Variants in ZNF609 observed in about 807,000 individuals in gnomAD.
ZNF609 encodes the protein zinc finger protein 609.
ZNF609 carries 11 observed loss-of-function variants against 109.5 expected under a neutral mutation model. The ratio of observed to expected loss-of-function variants is 0.10; its 90% CI spans 0.06 to 0.17. The LOEUF is 0.17. Ranked by LOEUF, ZNF609 falls within the 10% of genes least tolerant of loss-of-function variation. ZNF609 has a pLI of 1.00. For synonymous variants in ZNF609, 646 were observed against 662.0 expected, an observed-to-expected ratio of 0.98 and a Z score of 0.37; for missense variants, 1,559 against 1,772.4, an observed-to-expected ratio of 0.88 and a Z score of 2.16.
rs142205088 is a variant in ZNF609, at chr15:64,680,210, T to C, written c.3795T>C (p.Ser1265=). 2 of 1,614,084 alleles carry C rather than the reference T, an allele frequency of 1.2e-6. No homozygotes were observed. The highest frequency in any genetic ancestry group is 2.2e-5 in the East Asian group (1 of 44,886). Residue 1265 remains serine (S), a synonymous_variant, in exon 7 of 10, where the codon TCT becomes TCC. Coordinates refer to ENST00000326648, the MANE Select transcript of ZNF609 (RefSeq NM_015042.2). ...GTTCCTACCTGCCTTCCAGCTACTC[T>C]TTTTCCCCATATGGCAGCAAGGTCT... ...YPGSYLPSSY[S]FSPYGSKVSG...
Position 64,685,801 on chromosome 15 carries a change from G to T in ZNF609, c.*4115G>T, listed in dbSNP as rs1446963250. 2 of 152,566 alleles carry T rather than the reference G, an allele frequency of 1.3e-5. No homozygotes were observed. Among genetic ancestry groups the T allele is most frequent in the Admixed American group, 1.3e-4 (2 of 15,288 alleles). 9.5% of individuals were successfully genotyped at this position (152,566 alleles called of 1,614,324 possible). ...GAGCTCAGTGGATGATTCCCAGCTG[G>T]TGGACTCCTGTGGCTACCCCATCAG... On this transcript the variant is annotated 3_prime_UTR_variant, in exon 10 of 10. Coordinates refer to ENST00000326648, the MANE Select transcript of ZNF609 (RefSeq NM_015042.2).
chr15:64,642,774 A>G (rs545372854), intron 3 of ZNF609, among the ~76,000 whole-genome samples: 2 of 152,312 alleles, frequency 1.3e-5, no homozygotes, highest in South Asian at 4.1e-4. Flanking sequence ...AGCCTGGGTG[A>G]CAGAGCAAGA....
chr15:64,571,708 C>T (rs953889870), intron 2 of ZNF609, among the ~76,000 whole-genome samples: 4 of 152,088 alleles, frequency 2.6e-5, no homozygotes, highest in Non-Finnish European at 2.9e-5. Flanking sequence ...CACCCAGGAT[C>T]GCCCAGGCTG....
chr15:64,634,994 C>T (rs1297262202), intron 3 of ZNF609, among the ~76,000 whole-genome samples: 1 of 152,010 alleles, frequency 6.6e-6, no homozygotes, highest in Non-Finnish European at 1.5e-5. Context: ...TGTTATATGT[C>T]CACTGTCATA....
At chr15:64,509,840 G>C (rs1344683208) in intron 2 of ZNF609, among the ~76,000 whole-genome samples, 1 of 152,150 alleles carries the variant, frequency 6.6e-6, no homozygotes, top group African/African-American at 2.4e-5. Context: ...TCCTCTCTCT[G>C]CTAATCCTTG....
At chr15:64,577,378 C>T (rs1360067573) in intron 2 of ZNF609, among the ~76,000 whole-genome samples, 6 of 14,852 alleles carry the variant, frequency 4.0e-4, no homozygotes, top group African/African-American at 5.7e-4. Context: ...TATATATACA[C>T]ATATAAATAT....
chr15:64,602,889 A>ATTTTTTTTTTTTTTTTT (rs10600562), intron 2 of ZNF609, among the ~76,000 whole-genome samples: 33 of 75,174 alleles, frequency 4.4e-4, no homozygotes, highest in Non-Finnish European at 5.6e-4. Context: ...CTCTGGGCTA[A>ATTTTTTTTTTTTTTTTT]TTTTTTTTTT....
chr15:64,545,852 T>G (rs925002523), intron 2 of ZNF609, among the ~76,000 whole-genome samples: 1 of 152,210 alleles, frequency 6.6e-6, no homozygotes, highest in African/African-American at 2.4e-5. Flanking sequence ...GTTTTTTTCT[T>G]TTTATTGCTG....
rs1896794027 is a variant in ZNF609, at chr15:64,675,424, G to A, written c.2570G>A (p.Gly857Asp). ...TCTGATGCTGGGGAGGATGGGGAGG[G>A]CAAGGTAGACAGTGTCAAATCAAAG... ...DISDAGEDGE[G>D]KVDSVKSKDA... Residue 857 changes from glycine to aspartate, a missense_variant, in exon 5 of 10, where the codon GGC (glycine) becomes GAC (aspartate). This residue lies in a region of ZNF609 where 1,204 missense variants were observed against 1,314.1 expected (regional missense o/e 0.92). Transcript: ENST00000326648. The A allele has an allele frequency of 6.2e-7, 1 of 1,614,042 alleles. No homozygotes were observed. Among genetic ancestry groups the A allele is most frequent in the Admixed American group, 1.7e-5 (1 of 60,002 alleles).
At chr15:64,563,373 C>T (rs1293207147) in intron 2 of ZNF609, among the ~76,000 whole-genome samples, 2 of 148,496 alleles carry the variant, frequency 1.3e-5, no homozygotes, top group Non-Finnish European at 3.0e-5. Context: ...ATTGATGGAA[C>T]CCAGCAAATC....
chr15:64,670,487 A>C, intron 4 of ZNF609, 54 bp downstream of exon 4: 1 of 1,447,758 alleles, frequency 6.9e-7, no homozygotes, highest in Middle Eastern at 1.8e-4. Flanking sequence ...CTAATTGGTG[A>C]TCCCTTATAC....
chr15:64,588,442 A>AG lies in ZNF609; in HGVS notation c.748-34385_748-34384insG, dbSNP rs749716670. Among the ~76,000 whole-genome samples, 16 of 75,282 alleles carry AG rather than the reference A, an allele frequency of 2.1e-4. 2 individuals are homozygous for AG. The highest frequency in any genetic ancestry group is 8.9e-4 in the South Asian group (2 of 2,252). The allele number at this position is 75,282 out of a possible 152,430, so 49.4% of individuals were successfully genotyped here. On this transcript the variant is annotated intron_variant, in intron 2 of 9. Transcript: ENST00000326648. ...CACTCTGTCTAAAAAAAAAAAAAAA[A>AG]AAGAAGAGGAAGACTGTACAGACTA...
rs1329546674 is a variant in ZNF609 at position 64,675,012 on chromosome 15, G to A, written c.2158G>A (p.Ala720Thr). 20 of 1,613,832 alleles carry A rather than the reference G, an allele frequency of 1.2e-5. No individual in the cohort carries two copies. The highest frequency in any genetic ancestry group is 1.7e-5 in the Non-Finnish European group (20 of 1,180,040). ...VMGEPFTVNP[A>T]LTPAKDKKKK... ...GGGAGAACCTTTCACAGTCAACCCTGCCTTGACTCCAGCCAAGGACAAGAA... is the reference window on the plus strand; with the variant it reads ...GGGAGAACCTTTCACAGTCAACCCTACCTTGACTCCAGCCAAGGACAAGAA... Residue 720 changes from alanine to threonine, a missense_variant, in exon 5 of 10, where the codon GCC (alanine) becomes ACC (threonine). Physicochemically the swap from Ala to Thr is moderately conservative, Grantham distance 58. Around this residue, in one of 4 missense-constraint regions of ZNF609, gnomAD observed 1,204 missense variants for 1,314.1 expected, o/e 0.92. Transcript: ENST00000326648.
At chr15:64,655,180 A>T (rs1283571516) in intron 3 of ZNF609, among the ~76,000 whole-genome samples, 1 of 151,248 alleles carries the variant, frequency 6.6e-6, no homozygotes, top group African/African-American at 2.5e-5. Flanking sequence ...TTGAGGGGAA[A>T]AAAAACAGAA....
chr15:64,649,049 C>T (rs1265767385), intron 3 of ZNF609, among the ~76,000 whole-genome samples: 4 of 152,014 alleles, frequency 2.6e-5, no homozygotes, highest in Admixed American at 1.3e-4. Flanking sequence ...TTTGAAATGA[C>T]TCCAGCTTTG....
At chr15:64,575,419 CAAA>C (rs5813309) in intron 2 of ZNF609, among the ~76,000 whole-genome samples, 2 of 147,190 alleles carry the variant, frequency 1.4e-5, no homozygotes, top group Non-Finnish European at 1.5e-5. Context: ...AACTCCATTT[CAAA>C]AAAAAAAAAG....
chr15:64,545,785 T>G (rs1203545632), intron 2 of ZNF609, among the ~76,000 whole-genome samples: 1 of 152,230 alleles, frequency 6.6e-6, no homozygotes, highest in Non-Finnish European at 1.5e-5. Flanking sequence ...TGTGTCCAGC[T>G]TCTTTCACTT....
chr15:64,610,722 C>T (rs929376748), intron 2 of ZNF609, among the ~76,000 whole-genome samples: 1 of 152,110 alleles, frequency 6.6e-6, no homozygotes, highest in African/African-American at 2.4e-5. Context: ...CAGGGAGAAT[C>T]ATCCCATTCC....
intron 3 of ZNF609, among the ~76,000 whole-genome samples, chr15:64,664,629 C>T (rs773807815): frequency 7.2e-5 from 11 of 152,148 alleles, no homozygotes; most frequent in Non-Finnish European, 1.0e-4. Context: ...TCTTTCCTGT[C>T]GTCCTATTCT....
Sources: gnomAD v4.1 joint callset for allele counts (sites outside exome capture counted in the v4.1 genomes callset) on GRCh38, gnomAD v4.1.1 for gene constraint, gnomAD v4.1.1 regional missense constraint, MANE v1.5 for transcripts, NCBI Gene and HGNC (gene_info 2026-07-23, HGNC 2026-07-21) for gene names.